The following MEGF8 variants were observed in gnomAD, a reference collection of about 807,000 sequenced individuals.
MEGF8 encodes the protein multiple EGF like domains 8.
A neutral mutation model predicts 302.9 loss-of-function variants in MEGF8; 156 were observed. That is an observed-to-expected ratio of 0.52 (90% CI 0.45 to 0.59). The LOEUF is 0.59. MEGF8 is among the 20% of genes least tolerant of loss of function. The pLI is 0.00. For missense variants in MEGF8, 3,345 were observed against 3,964.5 expected (o/e 0.84, Z 4.20); for synonymous variants, 1,621 against 1,660.5 (o/e 0.98, Z 0.58).
chr19:42,358,687 TG>T lies in MEGF8; in HGVS notation c.5176-98del. On this transcript the variant is annotated intron_variant, in intron 29 of 41. Coordinates refer to ENST00000251268, the MANE Select transcript of MEGF8 (RefSeq NM_001271938.2). The surrounding 1 kb of genome is among the most constrained non-coding windows in gnomAD (Gnocchi z 4.4). ...TGTCTGCACTGGTTAGAGAGGCTGG[TG>T]GTTTCAGTCCACACGTTTCCAAGCC... The T allele has an allele frequency of 7.4e-7, 1 of 1,355,738 alleles. No homozygotes were observed. 84.0% of individuals were successfully genotyped at this position (1,355,738 alleles called of 1,614,324 possible). A position where few individuals can be genotyped will look rare whatever the true frequency, so the allele number is the denominator to read the frequency against.
intron 13 of MEGF8, 68 bp from the exon 14 acceptor site, chr19:42,349,431 T>C: frequency 7.1e-7 from 1 of 1,406,992 alleles, no homozygotes; most frequent in Non-Finnish European, 9.7e-7. Flanking sequence ...GGTTTGGAGG[T>C]ATCAGGGGTC....
Position 42,358,329 on chromosome 19 carries a change from C to A in MEGF8, c.5175+22C>A. ...AAAGGTCAGGAAAAGAGGCTCAGAC[C>A]CAAGGATGTATGGGGCAGGAGGGAG... On this transcript the variant is annotated intron_variant, in intron 29 of 41. Transcript: ENST00000251268. This position sits in a 1 kb window ranked among gnomAD's most constrained non-coding sequence, Gnocchi z 4.4. The A allele has an allele frequency of 6.3e-7, 1 of 1,587,092 alleles. No homozygotes were observed. Among genetic ancestry groups the A allele is most frequent in the East Asian group, 2.3e-5 (1 of 43,168 alleles).
Position 42,333,691 on chromosome 19 carries a change from G to A in MEGF8, c.274G>A (p.Asp92Asn), listed in dbSNP as rs764131985. The A allele has an allele frequency of 1.2e-6, 2 of 1,614,010 alleles. No individual in the cohort carries two copies. The highest frequency in any genetic ancestry group is 3.3e-5 in the Admixed American group (2 of 60,026). ...TYDYLFVYDG[D>N]SPRGPLLASL... ...TGACTACCTGTTCGTGTATGACGGTGACTCCCCGCGAGGGCCGCTGCTTGC... is the reference window on the plus strand; with the variant it reads ...TGACTACCTGTTCGTGTATGACGGTAACTCCCCGCGAGGGCCGCTGCTTGC... The change falls in exon 2 of 42, where the codon GAC becomes AAC. Residue 92 changes from aspartate (D) to asparagine (N), a missense_variant. Physicochemically the swap from Asp to Asn is conservative, Grantham distance 23. Coordinates refer to ENST00000251268, the MANE Select transcript of MEGF8 (RefSeq NM_001271938.2).
Position 42,357,689 on chromosome 19 carries a change from C to G in MEGF8, c.5011+105C>G. ...CTGTGCTCTGTGGCCACCTGTCTCC[C>G]TCTCTTTCCCATCCCCATGCAGATT... On this transcript the variant is annotated intron_variant, in intron 28 of 41. Transcript: ENST00000251268. This position sits in a 1 kb window ranked among gnomAD's most constrained non-coding sequence, Gnocchi z 5.2. The G allele has an allele frequency of 9.8e-7, 1 of 1,025,594 alleles. No homozygotes were observed. Among genetic ancestry groups the G allele is most frequent in the Non-Finnish European group, 1.4e-6 (1 of 715,640 alleles). 63.5% of individuals were successfully genotyped at this position (1,025,594 alleles called of 1,614,324 possible).
At chr19:42,345,658 G>A (rs1316733772) in intron 12 of MEGF8, among the ~76,000 whole-genome samples, 1 of 152,208 alleles carries the variant, frequency 6.6e-6, no homozygotes, top group East Asian at 1.9e-4. Context: ...ATATTCCATT[G>A]TATAGATGGA....
At chr19:42,333,965 C>G (rs2039088691) in intron 2 of MEGF8, 42 bp from the exon 3 acceptor site, 1 of 1,586,356 alleles carries the variant, frequency 6.3e-7, no homozygotes, top group African/African-American at 1.3e-5. Context: ...AGGACAATCC[C>G]CAGGCCCTGC....
In MEGF8 at chr19:42,360,757, T is replaced by C. The variant is rs368516637; in HGVS notation, c.5489-18T>C. 7.0e-4 allele frequency: 1,085 copies of C among 1,559,346 alleles called. 8 individuals carry two copies. The South Asian group carries it at 8.4e-3, about 12-fold the overall frequency. Reference sequence around the variant, plus strand: ...GTCTCCTGCTCTCTATCTGTCTGAATACACCATCTTTCCTCAGGCTCGGCC... The same window carrying C: ...GTCTCCTGCTCTCTATCTGTCTGAACACACCATCTTTCCTCAGGCTCGGCC... On this transcript the variant is annotated intron_variant, in intron 31 of 41. Transcript: ENST00000251268.
At position 42,353,069 on chromosome 19, in the gene MEGF8, C is replaced by T; in HGVS notation, c.3492C>T (p.Gly1164=). ...CCCCCCGCTGCTCCCGGGACTGTGG[C>T]TGCAGCTTCCACAGCCACTGCCGCA... The part of the protein sequence containing the change: ...PPAPRCSRDC[G]CSFHSHCRKR... The change falls in exon 20 of 42, where the codon GGC becomes GGT. Residue 1164 remains glycine, a synonymous_variant. Transcript: ENST00000251268. This position sits in a 1 kb window ranked among gnomAD's most constrained non-coding sequence, Gnocchi z 6.1. 3 of 1,549,806 alleles carry T rather than the reference C, an allele frequency of 1.9e-6. No homozygotes were observed. Among genetic ancestry groups the T allele is most frequent in the Non-Finnish European group, 1.7e-6 (2 of 1,147,070 alleles).
Position 42,360,957 on chromosome 19 carries a change from GC to G in MEGF8, c.5673del (p.Cys1892AlafsTer151). 1 of 1,589,380 alleles carries G rather than the reference GC, an allele frequency of 6.3e-7. No individual in the cohort carries two copies. The highest frequency in any genetic ancestry group is 8.6e-7 in the Non-Finnish European group (1 of 1,165,032). ...SSPEACNQSG[A>X]CTWCHGACLS... ...ACCTGAAGCTTGTAACCAGTCTGGG[GC>G]CTGCACCTGGTGCCATGGGGCCTGC... On this transcript the variant is annotated frameshift_variant, in exon 32 of 42. Coordinates refer to ENST00000251268, the MANE Select transcript of MEGF8 (RefSeq NM_001271938.2). LOFTEE classifies it high-confidence loss of function.
In MEGF8 at chr19:42,353,515, A is replaced by G; in HGVS notation, c.3601A>G (p.Asn1201Asp). ...ACGATGCCGGCCCGGCAGCTTCGGC[A>G]ACGCCACAGGCTCTAGGGGCTGCCG... ...CERCRPGSFG[N>D]ATGSRGCRPC... The change falls in exon 21 of 42, where the codon AAC becomes GAC. Residue 1201 changes from asparagine (N) to aspartate (D), a missense_variant. Coordinates refer to ENST00000251268, the MANE Select transcript of MEGF8 (RefSeq NM_001271938.2). This position sits in a 1 kb window ranked among gnomAD's most constrained non-coding sequence, Gnocchi z 6.1. 1 of 1,610,230 alleles carries G rather than the reference A, an allele frequency of 6.2e-7. No homozygotes were observed. Among genetic ancestry groups the G allele is most frequent in the Non-Finnish European group, 8.5e-7 (1 of 1,178,986 alleles).
At chr19:42,370,082 C>T in intron 38 of MEGF8, 107 bp from the exon 39 acceptor site, 2 of 1,265,250 alleles carry the variant, frequency 1.6e-6, no homozygotes, top group Admixed American at 4.4e-5. Context: ...GTACCCGAGC[C>T]TCTGCTGCCC....
chr19:42,334,045 G>A lies in MEGF8; in HGVS notation c.390G>A (p.Leu130=), dbSNP rs377093238. The change falls in exon 3 of 42, where the codon CTG becomes CTA. Residue 130 remains leucine, a synonymous_variant. Coordinates refer to ENST00000251268, the MANE Select transcript of MEGF8 (RefSeq NM_001271938.2). ...LHLFSDANYN[L]LGFNASFRFS... ...TCTTCAGTGATGCCAACTACAACCTGCTGGGCTTTAACGCCTCATTCCGCT... is the reference window on the plus strand; with the variant it reads ...TCTTCAGTGATGCCAACTACAACCTACTGGGCTTTAACGCCTCATTCCGCT... The A allele has an allele frequency of 5.6e-4, 906 of 1,613,858 alleles. No homozygotes were observed. The highest frequency in any genetic ancestry group is 7.1e-4 in the Non-Finnish European group (834 of 1,179,852).
chr19:42,342,325 C>T (rs1208316673), intron 8 of MEGF8, among the ~76,000 whole-genome samples: 1 of 152,202 alleles, frequency 6.6e-6, no homozygotes. Flanking sequence ...AGAAACCCAA[C>T]CCAGCTGGCT....
chr19:42,352,517 G>C lies in MEGF8; in HGVS notation c.3350+61G>C. ...CCAGGCTGGGGCACATGGAGGTGGA[G>C]GGAGGAAGCCATCATGGCGCTGGGT... On this transcript the variant is annotated intron_variant, in intron 19 of 41. Coordinates refer to ENST00000251268, the MANE Select transcript of MEGF8 (RefSeq NM_001271938.2). This position sits in a 1 kb window ranked among gnomAD's most constrained non-coding sequence, Gnocchi z 4.4. 7 of 1,511,392 alleles carry C rather than the reference G, an allele frequency of 4.6e-6. No homozygotes were observed. Among genetic ancestry groups the C allele is most frequent in the Non-Finnish European group, 5.3e-6 (6 of 1,122,858 alleles). 93.6% of individuals were successfully genotyped at this position (1,511,392 alleles called of 1,614,324 possible).
chr19:42,355,366 C>T (rs2039435911), intron 23 of MEGF8, among the ~76,000 whole-genome samples: 1 of 152,140 alleles, frequency 6.6e-6, no homozygotes, highest in Admixed American at 6.5e-5. Context: ...GATCCAGTCT[C>T]ATGTAAGGGC....
Position 42,351,611 on chromosome 19 carries a change from G to T in MEGF8, c.2988-37G>T. ...AGAGGAAGATTCCCCACCGGCAAGG[G>T]GCTGGGGCTCTGACCCCCACCCCTG... On this transcript the variant is annotated intron_variant, in intron 17 of 41. Transcript: ENST00000251268. The surrounding 1 kb of genome is among the most constrained non-coding windows in gnomAD (Gnocchi z 5.6). The T allele has an allele frequency of 6.3e-7, 1 of 1,599,258 alleles. No homozygotes were observed.
Position 42,336,745 on chromosome 19 carries a change from G to A in MEGF8, c.1245-62G>A, listed in dbSNP as rs1017601960. 2.5e-5 allele frequency: 38 copies of A among 1,522,122 alleles called. No homozygotes were observed. The highest frequency in any genetic ancestry group is 3.2e-5 in the Non-Finnish European group (36 of 1,136,966). The allele number at this position is 1,522,122 out of a possible 1,614,324, so 94.3% of individuals were successfully genotyped here. On this transcript the variant is annotated intron_variant, in intron 6 of 41. Transcript: ENST00000251268. The surrounding 1 kb of genome is among the most constrained non-coding windows in gnomAD (Gnocchi z 4.8). ...CTGGGTGATCACATGGCTCCTAAGAGCCTGGAGGAGGGAGAGAGACGCTTC... is the reference window on the plus strand; with the variant it reads ...CTGGGTGATCACATGGCTCCTAAGAACCTGGAGGAGGGAGAGAGACGCTTC...
rs1458287210 is a variant in MEGF8 at position 42,362,114 on chromosome 19, C to T, written c.5745C>T (p.Cys1915=). 2.5e-6 allele frequency: 4 copies of T among 1,612,418 alleles called. No individual in the cohort carries two copies. The East Asian group carries it at 6.7e-5, about 27-fold the overall frequency. The change falls in exon 33 of 42, where the codon TGC becomes TGT. Residue 1915 remains cysteine (C), a synonymous_variant. Coordinates refer to ENST00000251268, the MANE Select transcript of MEGF8 (RefSeq NM_001271938.2). The part of the protein sequence containing the change: ...AHRLGCGGSP[C]SPMPRSPEEC... ...GGCTGGGCTGCGGGGGCTCCCCCTG[C>T]TCCCCAATGCCTCGCTCCCCGGAGG...
Position 42,336,916 on chromosome 19 carries a change from A to G in MEGF8, c.1354A>G (p.Thr452Ala). The G allele has an allele frequency of 1.2e-6, 2 of 1,613,794 alleles. No homozygotes were observed. Among genetic ancestry groups the G allele is most frequent in the Non-Finnish European group, 8.5e-7 (1 of 1,179,794 alleles). Residue 452 changes from threonine (T) to alanine (A), a missense_variant, in exon 7 of 42, where the codon ACA becomes GCA. By Grantham distance (58) the Thr-to-Ala change is moderately conservative. Transcript: ENST00000251268. The surrounding 1 kb of genome is among the most constrained non-coding windows in gnomAD (Gnocchi z 4.8). Reference protein sequence around the residue: ...LQGPRERAFHTASVLGNYMVV... With the variant: ...LQGPRERAFHAASVLGNYMVV... ...GGGCCCAAGGGAGCGAGCCTTCCAC[A>G]CAGCCAGTGTTCTGGGCAATTACAT...
Sources: allele counts gnomAD v4.1 joint callset (sites outside exome capture counted in the v4.1 genomes callset), GRCh38; gene constraint gnomAD v4.1.1; non-coding constraint Gnocchi (gnomAD v3.1); transcripts MANE v1.5; gene names NCBI Gene and HGNC (gene_info 2026-07-23, HGNC 2026-07-21).